The following ANXA8 variants were observed in gnomAD, a reference collection of about 807,000 sequenced individuals.
ANXA8 encodes VAC-beta.
In ANXA8, 9 loss-of-function variants were observed where a neutral mutation model predicts 26.8. The ratio of observed to expected loss-of-function variants is 0.34; its 90% CI spans 0.20 to 0.59. ANXA8 has a LOEUF of 0.59. ANXA8 is among the 20% of genes least tolerant of loss of function. The probability of loss-of-function intolerance (pLI) is 0.84; values close to 1 mark genes in which losing one functional copy is unlikely to be tolerated. For missense variants in ANXA8, 83 were observed against 238.5 expected (o/e 0.35, Z 4.29); for synonymous variants, 39 against 94.8 (o/e 0.41, Z 3.42).
chr10:47,687,105 AAAAAT>A, the ANXA8 span, among the ~76,000 whole-genome samples: 144 of 137,192 alleles, frequency 1.0e-3, 1 homozygote, highest in East Asian at 3.6e-3. Context: ...CCCTAACTCA[AAAAAT>A]AAAATAAAAT....
At chr10:47,506,467 A>G in the ANXA8 span, among the ~76,000 whole-genome samples, 1 of 137,756 alleles carries the variant, frequency 7.3e-6, no homozygotes, top group Non-Finnish European at 1.5e-5. Flanking sequence ...AGTAACTGGG[A>G]CTACAGGCAT....
chr10:47,950,610 G>T, the ANXA8 span, among the ~76,000 whole-genome samples: 2 of 149,970 alleles, frequency 1.3e-5, no homozygotes, highest in Non-Finnish European at 2.9e-5. Flanking sequence ...CATTTAAGAG[G>T]ACCAAAATAA....
At chr10:47,710,145 G>A in the ANXA8 span, 3 of 653,576 alleles carry the variant, frequency 4.6e-6, no homozygotes, top group East Asian at 8.3e-5. Context: ...ATAAAATACA[G>A]TTCTAAAAAA....
the ANXA8 span, among the ~76,000 whole-genome samples, chr10:47,492,914 G>T: frequency 6.6e-6 from 1 of 150,828 alleles, no homozygotes; most frequent in African/African-American, 2.5e-5. Context: ...TCCTGGAGCT[G>T]CTCTCCTGGA....
the ANXA8 span, among the ~76,000 whole-genome samples, chr10:47,614,031 TCTCAA>T: frequency 1.3e-5 from 1 of 74,342 alleles, no homozygotes; most frequent in Non-Finnish European, 3.5e-5. Flanking sequence ...CCACTGCTTG[TCTCAA>T]CTCAAGTCTG....
At chr10:47,776,226 A>AT in the ANXA8 span, among the ~76,000 whole-genome samples, 250 of 148,784 alleles carry the variant, frequency 1.7e-3, 1 homozygote, top group African/African-American at 6.0e-3. Context: ...TAACAAACCC[A>AT]TTTTTTCCCC....
the ANXA8 span, among the ~76,000 whole-genome samples, chr10:47,574,191 C>T: frequency 1.8e-5 from 1 of 54,592 alleles, no homozygotes; most frequent in African/African-American, 5.6e-5. Flanking sequence ...TCTCAGCTCA[C>T]TGCAACCTCC....
the ANXA8 span, among the ~76,000 whole-genome samples, chr10:47,694,377 C>G: frequency 6.8e-6 from 1 of 147,824 alleles, no homozygotes; most frequent in Non-Finnish European, 1.5e-5. Context: ...TTGGGTAGTT[C>G]ATACTACCTA....
At chr10:47,743,283 C>CATATATATATACATAT in the ANXA8 span, among the ~76,000 whole-genome samples, 2 of 81,976 alleles carry the variant, frequency 2.4e-5, no homozygotes, top group South Asian at 4.5e-4. Flanking sequence ...TATATACACA[C>CATATATATATACATAT]ATATATATAT....
chr10:47,492,684 C>A, the ANXA8 span, among the ~76,000 whole-genome samples: 1 of 137,918 alleles, frequency 7.3e-6, no homozygotes, highest in African/African-American at 3.0e-5. Context: ...CTGGTAAACA[C>A]CTGTTCCCTC....
chr10:47,647,587 G>A, the ANXA8 span, among the ~76,000 whole-genome samples: 11 of 149,130 alleles, frequency 7.4e-5, no homozygotes, highest in Non-Finnish European at 1.3e-4. Context: ...CACTTTCCAG[G>A]AGAAATCACA....
chr10:47,647,930 C>T, the ANXA8 span, among the ~76,000 whole-genome samples: 1 of 151,854 alleles, frequency 6.6e-6, no homozygotes, highest in South Asian at 2.1e-4. Context: ...CTCGTGGCCA[C>T]ATACGGACTT....
the ANXA8 span, among the ~76,000 whole-genome samples, chr10:47,943,520 G>A: frequency 6.8e-6 from 1 of 146,242 alleles, no homozygotes; most frequent in Non-Finnish European, 1.5e-5. Flanking sequence ...TACTCATGGG[G>A]CGGGGAGTGG....
the ANXA8 span, among the ~76,000 whole-genome samples, chr10:47,658,775 T>C: frequency 2.1e-5 from 3 of 142,212 alleles, no homozygotes; most frequent in African/African-American, 2.8e-5. Context: ...TTTCTTCATA[T>C]GTAAAAGAGA....
the ANXA8 span, among the ~76,000 whole-genome samples, chr10:47,945,432 G>A: frequency 0.025 from 3,691 of 150,284 alleles, 110 homozygotes; most frequent in African/African-American, 0.068. Context: ...GTCTTCACTG[G>A]GTAAGGGTCT....
intron 3 of ANXA8, 81 bp from the exon 4 acceptor site, chr10:47,477,275 C>T (rs1446941892): frequency 1.9e-6 from 3 of 1,587,794 alleles, no homozygotes; most frequent in African/African-American, 2.7e-5. Flanking sequence ...TGGCTGGGTC[C>T]AGGGGCTTGG....
the ANXA8 span, among the ~76,000 whole-genome samples, chr10:47,776,090 G>T: frequency 6.6e-6 from 1 of 152,076 alleles, no homozygotes; most frequent in African/African-American, 2.4e-5. Flanking sequence ...AGAGCTGGCA[G>T]AGCACAGTCA....
the ANXA8 span, chr10:47,762,687 TG>T: frequency 1.1e-6 from 1 of 900,508 alleles, no homozygotes; most frequent in Non-Finnish European, 1.4e-6. Context: ...CGGCTGGGGC[TG>T]GGCTGCCAGG....
the ANXA8 span, among the ~76,000 whole-genome samples, chr10:47,944,276 C>T: frequency 6.8e-6 from 1 of 147,500 alleles, no homozygotes; most frequent in Non-Finnish European, 1.5e-5. Context: ...ACAACCCAGC[C>T]TCCTAATAGC....
Sources: gnomAD v4.1 joint callset for allele counts (sites outside exome capture counted in the v4.1 genomes callset) on GRCh38, gnomAD v4.1.1 for gene constraint, MANE v1.5 for transcripts, NCBI Gene and HGNC (gene_info 2026-07-23, HGNC 2026-07-21) for gene names.